Variants in ZBTB45 observed in about 807,000 individuals in gnomAD.
ZBTB45 encodes zinc finger and BTB domain-containing protein 45.
Under a neutral mutation model 28.4 loss-of-function variants are expected in ZBTB45, and 22 were observed. The ratio of observed to expected loss-of-function variants is 0.77; its 90% CI spans 0.55 to 1.10. The LOEUF (loss-of-function observed/expected upper bound fraction) is 1.10, where lower values mean the gene tolerates loss of function less well. Among genes scored for constraint, ZBTB45 ranks in the 50% least tolerant of loss-of-function variants. The pLI, the probability that ZBTB45 is intolerant of heterozygous loss-of-function variation, is 0.00. For synonymous variants in ZBTB45, 361 were observed against 332.3 expected, an observed-to-expected ratio of 1.09 and a Z score of -0.94; for missense variants, 656 against 750.2, an observed-to-expected ratio of 0.87 and a Z score of 1.47.
At position 58,516,056 on chromosome 19, in the gene ZBTB45, C is replaced by A. The variant is rs534647405; in HGVS notation, c.1279+339G>T. ...CAGGAGGCTCCCTGGAGCATAGTTT[C>A]CCAACCTGCCAGGACCTCCTGCCAA... On this transcript the variant is annotated intron_variant, in intron 2 of 2. Transcript: ENST00000594051. This position sits in a 1 kb window ranked among gnomAD's most constrained non-coding sequence, Gnocchi z 6.2. Among the ~76,000 whole-genome samples the A allele has an allele frequency of 6.6e-6, 1 of 152,122 alleles. No individual in the cohort carries two copies. Among genetic ancestry groups the A allele is most frequent in the Non-Finnish European group, 1.5e-5 (1 of 68,006 alleles).
At chr19:58,533,721 T>C (rs2053645922) in intron 1 of ZBTB45, among the ~76,000 whole-genome samples, 1 of 152,120 alleles carries the variant, frequency 6.6e-6, no homozygotes. Flanking sequence ...ACCTTTGAAA[T>C]GGGAATCAGA....
chr19:58,529,084 CA>C (rs1231496438), intron 1 of ZBTB45, among the ~76,000 whole-genome samples: 1,399 of 61,384 alleles, frequency 0.023, 49 homozygotes, highest in African/African-American at 0.065. Flanking sequence ...AACTCCATCT[CA>C]AAAAAAAAAA....
chr19:58,527,287 C>T (rs890409560), intron 1 of ZBTB45, among the ~76,000 whole-genome samples: 1 of 152,164 alleles, frequency 6.6e-6, no homozygotes, highest in African/African-American at 2.4e-5. Flanking sequence ...CCTCCAGACA[C>T]GAACTCTGCC....
chr19:58,523,821 C>T (rs2122581828), upstream of ZBTB45, among the ~76,000 whole-genome samples: 1 of 83,958 alleles, frequency 1.2e-5, no homozygotes, highest in Non-Finnish European at 2.8e-5. Context: ...CAGGCGCCCG[C>T]CACCAGGCCC....
At chr19:58,538,683 C>T (rs879488733) in intron 1 of ZBTB45, 5 of 152,176 alleles carry the variant, frequency 3.3e-5, no homozygotes, top group Non-Finnish European at 5.9e-5. Flanking sequence ...CACGCCCCGC[C>T]CGGCTAGCCA....
In ZBTB45 at chr19:58,517,334, C is replaced by G. The variant is rs1177322156; in HGVS notation, c.340G>C (p.Val114Leu). The G allele has an allele frequency of 6.2e-7, 1 of 1,611,064 alleles. No individual in the cohort carries two copies. Among genetic ancestry groups the G allele is most frequent in the Non-Finnish European group, 8.5e-7 (1 of 1,179,792 alleles). ...TAASVLRIQTVIDECTQIIAR... is the reference protein window; with the variant it reads ...TAASVLRIQTLIDECTQIIAR... ...ATAATCTGCGTGCATTCGTCGATAA[C>G]TGTCTGTATGCGAAGCACTGACGCG... Residue 114 changes from valine to leucine, a missense_variant, in exon 2 of 3, where the codon GTT becomes CTT. Physicochemically the swap from Val to Leu is conservative, Grantham distance 32. Coordinates refer to ENST00000594051, the MANE Select transcript of ZBTB45 (RefSeq NM_001316979.2).
chr19:58,532,419 A>C (rs2053639668), intron 1 of ZBTB45, among the ~76,000 whole-genome samples: 1 of 152,218 alleles, frequency 6.6e-6, no homozygotes, highest in African/African-American at 2.4e-5. Context: ...CACAAACAAC[A>C]GAAGATTTTT....
upstream of ZBTB45, among the ~76,000 whole-genome samples, chr19:58,524,654 C>G (rs12972597): frequency 6.6e-6 from 1 of 151,764 alleles, no homozygotes; most frequent in Admixed American, 6.6e-5. Context: ...GAGGCCGAGG[C>G]GGGCGGATCA....
chr19:58,521,741 C>G (rs1202633841), upstream of ZBTB45, among the ~76,000 whole-genome samples: 3 of 152,324 alleles, frequency 2.0e-5, no homozygotes, highest in East Asian at 1.9e-4. Context: ...TCACATTTCC[C>G]TCACTGAAAG....
chr19:58,537,933 G>T (rs1352096400), intron 1 of ZBTB45, among the ~76,000 whole-genome samples: 3 of 151,694 alleles, frequency 2.0e-5, no homozygotes, highest in African/African-American at 7.3e-5. Flanking sequence ...TGCCTCCCAG[G>T]TTCAAGCGAT....
upstream of ZBTB45, among the ~76,000 whole-genome samples, chr19:58,524,612 A>T (rs552718361): frequency 6.6e-6 from 1 of 151,776 alleles, no homozygotes; most frequent in South Asian, 2.1e-4. Context: ...GGCCGGGTGC[A>T]GTGGCTCACA....
chr19:58,513,802 A>G lies in ZBTB45; in HGVS notation c.*252T>C, dbSNP rs2053446863. On this transcript the variant is annotated 3_prime_UTR_variant, in exon 3 of 3. Transcript: ENST00000594051. Reference sequence around the variant, plus strand: ...CCTGAGCGCCCGGTTTACGCAGGAAATAGTCCAGTTCTCAGAAGTGGTCTA... The same window carrying G: ...CCTGAGCGCCCGGTTTACGCAGGAAGTAGTCCAGTTCTCAGAAGTGGTCTA... The G allele has an allele frequency of 9.6e-6, 4 of 415,596 alleles. No individual in the cohort carries two copies. Among genetic ancestry groups the G allele is most frequent in the Non-Finnish European group, 1.6e-5 (4 of 243,568 alleles). 25.7% of individuals were successfully genotyped at this position (415,596 alleles called of 1,614,324 possible).
intron 1 of ZBTB45, among the ~76,000 whole-genome samples, chr19:58,530,677 CTTTCTTTTTTTTT>C (rs1416506224): frequency 6.7e-6 from 1 of 149,452 alleles, no homozygotes; most frequent in Non-Finnish European, 1.5e-5. Flanking sequence ...CATCTGTTTT[CTTTCTTTTTTTTT>C]TTTCTTTTTT....
At chr19:58,514,435 C>T in intron 2 of ZBTB45, 125 bp from the exon 3 acceptor site, 1 of 1,239,654 alleles carries the variant, frequency 8.1e-7, no homozygotes, top group Non-Finnish European at 1.1e-6. Flanking sequence ...GAACCACCAC[C>T]CCGGGATCCC....
In ZBTB45 at chr19:58,515,522, G is replaced by C. The variant is rs1200975004; in HGVS notation, c.1279+873C>G. 6.6e-6 allele frequency among the ~76,000 whole-genome samples: 1 copy of C among 151,826 alleles called. No homozygotes were observed. The highest frequency in any genetic ancestry group is 2.4e-5 in the African/African-American group (1 of 41,312). ...TTCCCAGGCCCCTGGCTTCTCCCAGGGCAGCCAGAGGTGATTTTAAACTGA... is the reference window on the plus strand; with the variant it reads ...TTCCCAGGCCCCTGGCTTCTCCCAGCGCAGCCAGAGGTGATTTTAAACTGA... On this transcript the variant is annotated intron_variant, in intron 2 of 2. Coordinates refer to ENST00000594051, the MANE Select transcript of ZBTB45 (RefSeq NM_001316979.2). This position sits in a 1 kb window ranked among gnomAD's most constrained non-coding sequence, Gnocchi z 4.7.
intron 1 of ZBTB45, among the ~76,000 whole-genome samples, chr19:58,534,942 G>A (rs2053653098): frequency 1.3e-5 from 2 of 150,334 alleles, no homozygotes; most frequent in Admixed American, 6.6e-5. Flanking sequence ...TACAACCTCC[G>A]CCTCCTGGGT....
chr19:58,531,005 G>A (rs1455366130), intron 1 of ZBTB45, among the ~76,000 whole-genome samples: 2 of 152,166 alleles, frequency 1.3e-5, no homozygotes, highest in African/African-American at 4.8e-5. Flanking sequence ...TTCAATTCAT[G>A]TGGGTATATA....
chr19:58,527,017 C>T (rs907669234), intron 1 of ZBTB45, among the ~76,000 whole-genome samples: 1 of 152,144 alleles, frequency 6.6e-6, no homozygotes, highest in African/African-American at 2.4e-5. Context: ...GAGTAAAGCT[C>T]TAAGGTGAAG....
chr19:58,529,789 A>G (rs2053626583), intron 1 of ZBTB45, among the ~76,000 whole-genome samples: 1 of 152,180 alleles, frequency 6.6e-6, no homozygotes, highest in Non-Finnish European at 1.5e-5. Flanking sequence ...CATATTTTAC[A>G]TAAATGGAAC....
Sources: allele counts gnomAD v4.1 joint callset (sites outside exome capture counted in the v4.1 genomes callset), GRCh38; gene constraint gnomAD v4.1.1; non-coding constraint Gnocchi (gnomAD v3.1); transcripts MANE v1.5; gene names NCBI Gene and HGNC (gene_info 2026-07-23, HGNC 2026-07-21).